The following CNTN3 variants were observed in gnomAD, a reference collection of about 807,000 sequenced individuals.
The protein encoded by CNTN3 is contactin 3.
CNTN3 carries 60 observed loss-of-function variants against 119.1 expected under a neutral mutation model. The observed-to-expected ratio is 0.50, with a 90% CI of 0.41 to 0.62. The LOEUF is 0.62. Among genes scored for constraint, CNTN3 ranks in the 20% least tolerant of loss-of-function variants. CNTN3 has a pLI of 0.00. For synonymous variants in CNTN3, 450 were observed against 438.7 expected (o/e 1.03, Z -0.32); for missense variants, 1,101 against 1,242.4 (o/e 0.89, Z 1.71).
chr3:74,332,236 G>A (rs1703282879), intron 13 of CNTN3, among the ~76,000 whole-genome samples: 1 of 152,164 alleles, frequency 6.6e-6, no homozygotes, highest in Non-Finnish European at 1.5e-5. Flanking sequence ...CACAATCAGA[G>A]GACAAGACTT....
At chr3:74,385,482 C>G (rs1448748140) in intron 5 of CNTN3, among the ~76,000 whole-genome samples, 1 of 152,190 alleles carries the variant, frequency 6.6e-6, no homozygotes, top group Non-Finnish European at 1.5e-5. Flanking sequence ...TTAAAGTAAC[C>G]TGAAATGAGC....
chr3:74,306,387 A>G (rs1702564592), intron 13 of CNTN3, among the ~76,000 whole-genome samples: 1 of 152,122 alleles, frequency 6.6e-6, no homozygotes, highest in African/African-American at 2.4e-5. Context: ...AACACTAACC[A>G]TCTTTGGACA....
At chr3:74,343,070 CAGAG>C (rs1703587149) in intron 11 of CNTN3, among the ~76,000 whole-genome samples, 1 of 152,144 alleles carries the variant, frequency 6.6e-6, no homozygotes, top group Admixed American at 6.5e-5. Context: ...TTCTATGCCT[CAGAG>C]AGAGTTATAT....
chr3:74,524,976 G>A (rs1703597237), intron 1 of CNTN3, among the ~76,000 whole-genome samples: 1 of 151,828 alleles, frequency 6.6e-6, no homozygotes, highest in Non-Finnish European at 1.5e-5. Context: ...AAATGAGACT[G>A]CAGATGTATG....
chr3:74,397,998 G>T (rs1705098301), intron 5 of CNTN3, among the ~76,000 whole-genome samples: 1 of 152,190 alleles, frequency 6.6e-6, no homozygotes, highest in Non-Finnish European at 1.5e-5. Context: ...ATAAGGAGTT[G>T]CTTCTTGTAG....
At chr3:74,335,830 C>A (rs780006384) in intron 12 of CNTN3, among the ~76,000 whole-genome samples, 3 of 152,128 alleles carry the variant, frequency 2.0e-5, no homozygotes, top group Non-Finnish European at 2.9e-5. Context: ...TTAACTGACA[C>A]CTTCATGTCC....
chr3:74,517,545 A>G (rs1477967494), intron 2 of CNTN3, among the ~76,000 whole-genome samples: 1 of 151,826 alleles, frequency 6.6e-6, no homozygotes, highest in East Asian at 1.9e-4. Context: ...AGTATTACGG[A>G]CCTCAATGTA....
At chr3:74,529,515 A>AT (rs1257554987) in intron 1 of CNTN3, among the ~76,000 whole-genome samples, 1 of 151,948 alleles carries the variant, frequency 6.6e-6, no homozygotes, top group Non-Finnish European at 1.5e-5. Flanking sequence ...TTTACTTATT[A>AT]TTTGAGTGGT....
At chr3:74,356,228 C>T (rs1307975515) in intron 11 of CNTN3, among the ~76,000 whole-genome samples, 1 of 152,042 alleles carries the variant, frequency 6.6e-6, no homozygotes, top group Non-Finnish European at 1.5e-5. Context: ...TTCCCAGCCT[C>T]CAGAACTGTG....
At chr3:74,479,737 A>C (rs1458459959) in intron 4 of CNTN3, among the ~76,000 whole-genome samples, 3 of 151,954 alleles carry the variant, frequency 2.0e-5, no homozygotes, top group Admixed American at 6.6e-5. Context: ...GTGATGGTGA[A>C]GGGAGATCCC....
At chr3:74,389,952 A>C (rs749493131) in intron 5 of CNTN3, among the ~76,000 whole-genome samples, 1 of 152,214 alleles carries the variant, frequency 6.6e-6, no homozygotes, top group Non-Finnish European at 1.5e-5. Flanking sequence ...AGACATAATT[A>C]GGATTCTTGG....
In CNTN3 at chr3:74,312,289, T is replaced by TA. The variant is rs200360493; in HGVS notation, c.1669-9483dup. On this transcript the variant is annotated intron_variant, in intron 13 of 22. Transcript: ENST00000263665. Reference sequence around the variant, plus strand: ...AAACATGGTGAAACCATGTCTCTACTAAAAAAAATACAAAAAACTAGCCAG... The same window carrying TA: ...AAACATGGTGAAACCATGTCTCTACTAAAAAAAAATACAAAAAACTAGCCAG... Among the ~76,000 whole-genome samples the TA allele has an allele frequency of 4.6e-5, 7 of 150,552 alleles. No homozygotes were observed. The South Asian group carries it at 8.4e-4, about 18-fold the overall frequency.
chr3:74,594,657 T>C (rs1704767176), intron 1 of CNTN3, among the ~76,000 whole-genome samples: 1 of 152,168 alleles, frequency 6.6e-6, no homozygotes, highest in Admixed American at 6.6e-5. Context: ...TAGTATCCCA[T>C]GGTGTATATG....
Position 74,504,364 on chromosome 3 carries a change from T to C in CNTN3, c.56-4579A>G, listed in dbSNP as rs565217104. On this transcript the variant is annotated intron_variant, in intron 2 of 22. Transcript: ENST00000263665. Reference sequence around the variant, plus strand: ...CATCAATCCCAAACAGAATGAGCTCTAGCCTGGGTCAAAGAAAGTAAAATC... The same window carrying C: ...CATCAATCCCAAACAGAATGAGCTCCAGCCTGGGTCAAAGAAAGTAAAATC... Among the ~76,000 whole-genome samples the C allele has an allele frequency of 1.2e-4, 19 of 152,258 alleles. No individual in the cohort carries two copies. In the South Asian group the frequency reaches 2.5e-3, roughly 20 times the overall value.
At chr3:74,407,294 G>A (rs1402454469) in intron 5 of CNTN3, among the ~76,000 whole-genome samples, 2 of 137,186 alleles carry the variant, frequency 1.5e-5, no homozygotes, top group Non-Finnish European at 3.1e-5. Flanking sequence ...TTGAGACGGA[G>A]TCTCACTCTT....
At chr3:74,596,177 A>C (rs1704806000) in intron 1 of CNTN3, among the ~76,000 whole-genome samples, 1 of 152,154 alleles carries the variant, frequency 6.6e-6, no homozygotes, top group South Asian at 2.1e-4. Flanking sequence ...CTGCTCAATG[A>C]AATAAAAGAC....
chr3:74,433,987 T>C (rs1701827615), intron 4 of CNTN3, among the ~76,000 whole-genome samples: 1 of 152,216 alleles, frequency 6.6e-6, no homozygotes, highest in Non-Finnish European at 1.5e-5. Flanking sequence ...CATCAAAGAA[T>C]GTCTGAAATA....
intron 2 of CNTN3, among the ~76,000 whole-genome samples, chr3:74,508,563 ATAAACATACAACTGATAAAG>A (rs1368205674): frequency 1.3e-5 from 2 of 152,186 alleles, no homozygotes; most frequent in South Asian, 4.1e-4. Flanking sequence ...CATACAACTG[ATAAACATACAACTGATAAAG>A]TAAACATACA....
At chr3:74,447,422 G>A (rs539516649) in intron 4 of CNTN3, among the ~76,000 whole-genome samples, 2 of 152,298 alleles carry the variant, frequency 1.3e-5, no homozygotes, top group East Asian at 1.9e-4. Context: ...ATCCATATGG[G>A]TCCCCTGGGA....
Sources: allele counts gnomAD v4.1 joint callset (sites outside exome capture counted in the v4.1 genomes callset), GRCh38; gene constraint gnomAD v4.1.1; transcripts MANE v1.5; gene names NCBI Gene and HGNC (gene_info 2026-07-23, HGNC 2026-07-21).